The following DCLK3 variants were observed in gnomAD, a reference collection of about 807,000 sequenced individuals.
DCLK3 encodes doublecortin like kinase 3.
In DCLK3, 30 loss-of-function variants were observed where a neutral mutation model predicts 46.4. The ratio of observed to expected loss-of-function variants is 0.65; its 90% CI spans 0.48 to 0.88. The LOEUF (loss-of-function observed/expected upper bound fraction) is 0.88, where lower values mean the gene tolerates loss of function less well. DCLK3 is among the 40% of genes least tolerant of loss of function. The pLI is 0.00. For missense variants in DCLK3, 846 were observed against 907.1 expected (o/e 0.93, Z 0.87); for synonymous variants, 401 against 339.2 (o/e 1.18, Z -2.00).
At chr3:36,761,195 C>T (rs1251892998) in intron 1 of DCLK3, among the ~76,000 whole-genome samples, 1 of 152,222 alleles carries the variant, frequency 6.6e-6, no homozygotes, top group Non-Finnish European at 1.5e-5. Flanking sequence ...CCACTGTCCC[C>T]AAGAGATTGC....
chr3:36,721,545 C>T lies in DCLK3; in HGVS notation c.2074G>A (p.Glu692Lys), dbSNP rs759600419. The part of the protein sequence containing the change: ...VCGTPTYVAP[E>K]ILSEKGYGLE... ...CACTTACCTTTCTCAGAAAGAATTT[C>T]GGGAGCTACGTAAGTTGGGGTCCCA... The change falls in exon 3 of 5, where the codon GAA (glutamate) becomes AAA (lysine). Residue 692 changes from glutamate (E) to lysine (K), a missense_variant. By Grantham distance (56) the Glu-to-Lys change is moderately conservative. Coordinates refer to ENST00000636136, the MANE Select transcript of DCLK3 (RefSeq NM_001394672.2). 5.0e-6 allele frequency: 8 copies of T among 1,614,068 alleles called. No homozygotes were observed. Among genetic ancestry groups the T allele is most frequent in the South Asian group, 1.1e-5 (1 of 91,058 alleles).
At chr3:36,743,672 G>T (rs545262101) in intron 1 of DCLK3, among the ~76,000 whole-genome samples, 12 of 152,204 alleles carry the variant, frequency 7.9e-5, no homozygotes, top group Admixed American at 3.9e-4. Flanking sequence ...TGTTTACAGG[G>T]TCTCTCCTCA....
intron 2 of DCLK3, among the ~76,000 whole-genome samples, chr3:36,731,390 A>G (rs982012326): frequency 4.0e-5 from 6 of 149,506 alleles, no homozygotes; most frequent in Non-Finnish European, 7.4e-5. Flanking sequence ...AAAAAAGACA[A>G]CCCTTATTTT....
intron 3 of DCLK3, 106 bp downstream of exon 3, chr3:36,721,421 G>A: frequency 1.4e-6 from 2 of 1,431,694 alleles, no homozygotes; most frequent in Non-Finnish European, 1.9e-6. Context: ...AAGCCTAAGT[G>A]TCAGTTCTCT....
Position 36,764,263 on chromosome 3 carries a change from TGGCGCGGCGGCGGGCTC to T in DCLK3, c.-17_-1del. 1 of 248,724 alleles carries T rather than the reference TGGCGCGGCGGCGGGCTC, an allele frequency of 4.0e-6. No individual in the cohort carries two copies. Among genetic ancestry groups the T allele is most frequent in the African/African-American group, 2.3e-5 (1 of 43,382 alleles). 15.4% of individuals were successfully genotyped at this position (248,724 alleles called of 1,614,324 possible). A position where few individuals can be genotyped will look rare whatever the true frequency, so the allele number is the denominator to read the frequency against. On this transcript the variant is annotated 5_prime_UTR_variant, in exon 1 of 5. Transcript: ENST00000636136. This position sits in a 1 kb window ranked among gnomAD's most constrained non-coding sequence, Gnocchi z 4.9. ...TGCGGGGCTGGAGTGGCGGCGGGCA[TGGCGCGGCGGCGGGCTC>T]GGGGAGAGCCTGGAGCAGAGGTGGC... is the stretch of plus-strand genomic sequence containing the variant.
At position 36,764,530 on chromosome 3, in the gene DCLK3, C is replaced by G. The variant is rs371575415; in HGVS notation, c.-267G>C. On this transcript the variant is annotated 5_prime_UTR_variant, in exon 1 of 5. Transcript: ENST00000636136. The surrounding 1 kb of genome is among the most constrained non-coding windows in gnomAD (Gnocchi z 4.9). ...GCAGCCGCCCTCTCTGCGCCGGTCC[C>G]GCCATGCGCGCCGCTCCTGGCCCTG... Among the ~76,000 whole-genome samples, 338 of 152,238 alleles carry G rather than the reference C, an allele frequency of 2.2e-3. 2 individuals are homozygous for G. Among genetic ancestry groups the G allele is most frequent in the African/African-American group, 7.4e-3 (307 of 41,562 alleles).
intron 1 of DCLK3, among the ~76,000 whole-genome samples, chr3:36,749,631 A>AAGACC (rs1384593351): frequency 6.6e-6 from 1 of 152,122 alleles, no homozygotes; most frequent in East Asian, 1.9e-4. Context: ...AGACTCTCAC[A>AAGACC]CCTCGTTTAC....
intron 2 of DCLK3, among the ~76,000 whole-genome samples, chr3:36,723,195 T>C (rs778816833): frequency 1.3e-5 from 2 of 152,210 alleles, no homozygotes; most frequent in African/African-American, 4.8e-5. Context: ...TAGAGATTTA[T>C]GGAACTTTGA....
chr3:36,753,931 C>A (rs181400429), intron 1 of DCLK3, among the ~76,000 whole-genome samples: 1 of 152,160 alleles, frequency 6.6e-6, no homozygotes, highest in Admixed American at 6.5e-5. Flanking sequence ...TCTCGCGCCT[C>A]GGCCTCCCAA....
At chr3:36,757,321 AG>A (rs1188802618) in intron 1 of DCLK3, among the ~76,000 whole-genome samples, 1 of 152,152 alleles carries the variant, frequency 6.6e-6, no homozygotes, top group Non-Finnish European at 1.5e-5. Context: ...AAGAATTTTC[AG>A]TATCTCCATC....
chr3:36,723,769 A>T (rs1329399358), intron 2 of DCLK3, among the ~76,000 whole-genome samples: 7 of 152,214 alleles, frequency 4.6e-5, no homozygotes, highest in Non-Finnish European at 8.8e-5. Context: ...AAACGCCTGG[A>T]TGTCCAGGCA....
chr3:36,734,466 T>C (rs1018998826), intron 2 of DCLK3, among the ~76,000 whole-genome samples: 1 of 152,156 alleles, frequency 6.6e-6, no homozygotes, highest in African/African-American at 2.4e-5. Flanking sequence ...ATATGCAGCT[T>C]TCTACAGTTT....
chr3:36,725,553 G>T (rs1701116801), intron 2 of DCLK3, among the ~76,000 whole-genome samples: 1 of 151,896 alleles, frequency 6.6e-6, no homozygotes, highest in South Asian at 2.1e-4. Flanking sequence ...AGAAGTCGAG[G>T]CTGCAGTGTG....
At chr3:36,762,707 G>A (rs890443025) in intron 1 of DCLK3, among the ~76,000 whole-genome samples, 6 of 152,196 alleles carry the variant, frequency 3.9e-5, no homozygotes, top group African/African-American at 9.6e-5. Flanking sequence ...AAGAGATGGA[G>A]GGACTGGCAA....
At chr3:36,763,275 T>A (rs1014338017) in intron 1 of DCLK3, among the ~76,000 whole-genome samples, 1 of 152,218 alleles carries the variant, frequency 6.6e-6, no homozygotes, top group African/African-American at 2.4e-5. Context: ...AATGACTAAC[T>A]GTTAGGATTG....
intron 1 of DCLK3, among the ~76,000 whole-genome samples, chr3:36,755,932 T>C (rs1701481083): frequency 6.6e-6 from 1 of 152,016 alleles, no homozygotes; most frequent in Non-Finnish European, 1.5e-5. Context: ...AGAAAGACAA[T>C]AGTGGTATCC....
intron 3 of DCLK3, among the ~76,000 whole-genome samples, chr3:36,720,855 C>T (rs898728867): frequency 9.2e-5 from 14 of 152,106 alleles, no homozygotes; most frequent in African/African-American, 1.4e-4. Flanking sequence ...GGAAACTATC[C>T]GTCCATCCCT....
chr3:36,734,005 C>T (rs1321876861), intron 2 of DCLK3, among the ~76,000 whole-genome samples: 2 of 152,166 alleles, frequency 1.3e-5, no homozygotes, highest in African/African-American at 4.8e-5. Flanking sequence ...TTAATGGACA[C>T]AGCAGCCATC....
intron 1 of DCLK3, among the ~76,000 whole-genome samples, chr3:36,747,646 C>T (rs1359977600): frequency 6.6e-6 from 1 of 152,090 alleles, no homozygotes; most frequent in Non-Finnish European, 1.5e-5. Context: ...AACAACTTCA[C>T]AAAGGGAAAT....
Sources: allele counts gnomAD v4.1 joint callset (sites outside exome capture counted in the v4.1 genomes callset), GRCh38; gene constraint gnomAD v4.1.1; non-coding constraint Gnocchi (gnomAD v3.1); transcripts MANE v1.5; gene names NCBI Gene and HGNC (gene_info 2026-07-23, HGNC 2026-07-21).